DRC8: variants seen among roughly 807,000 people sequenced by gnomAD.
DRC8 encodes the protein dynein regulatory complex subunit 8, also known as dynein regulatory complex protein 8.
the DRC8 span, among the ~76,000 whole-genome samples, chr1:245,049,638 C>G: frequency 7.2e-5 from 11 of 152,230 alleles, 1 homozygote; most frequent in South Asian, 2.3e-3. The surrounding 1 kb of genome is among the most constrained non-coding windows in gnomAD (Gnocchi z 4.5). Flanking sequence ...CAAAAATACC[C>G]GATGGCCAAA....
chr1:245,113,185 G>A, the DRC8 span, among the ~76,000 whole-genome samples: 1 of 152,094 alleles, frequency 6.6e-6, no homozygotes, highest in Non-Finnish European at 1.5e-5. Context: ...TTCCTATAAA[G>A]TTTCCCCCCT....
chr1:245,113,612 T>C, the DRC8 span, among the ~76,000 whole-genome samples: 3 of 152,174 alleles, frequency 2.0e-5, no homozygotes, highest in Non-Finnish European at 4.4e-5. Context: ...ATGCCACTTA[T>C]GATCATACAA....
the DRC8 span, among the ~76,000 whole-genome samples, chr1:245,073,336 A>C: frequency 6.6e-5 from 10 of 152,038 alleles, no homozygotes; most frequent in Non-Finnish European, 1.0e-4. Flanking sequence ...TGGTTTCACC[A>C]TGTTGGCCAG....
At chr1:245,085,831 T>C in the DRC8 span, among the ~76,000 whole-genome samples, 3 of 152,178 alleles carry the variant, frequency 2.0e-5, no homozygotes, top group Non-Finnish European at 2.9e-5. Context: ...GCAGTGGGAA[T>C]GGCAATGGGA....
the DRC8 span, chr1:244,971,062 T>C: frequency 6.4e-6 from 1 of 155,362 alleles, no homozygotes; most frequent in Admixed American, 6.5e-5. Flanking sequence ...CTGATGGCGT[T>C]CGCGGCCACC....
At chr1:244,973,839 A>C in the DRC8 span, among the ~76,000 whole-genome samples, 1 of 152,200 alleles carries the variant, frequency 6.6e-6, no homozygotes, top group Non-Finnish European at 1.5e-5. Flanking sequence ...AGTATTGAGA[A>C]TATTGATAAG....
chr1:245,093,669 C>T, the DRC8 span, among the ~76,000 whole-genome samples: 1 of 147,842 alleles, frequency 6.8e-6, no homozygotes, highest in Non-Finnish European at 1.5e-5. Context: ...GCACTCCAGC[C>T]TGGGCGACAG....
the DRC8 span, among the ~76,000 whole-genome samples, chr1:245,034,310 G>A: frequency 6.6e-6 from 1 of 152,060 alleles, no homozygotes; most frequent in Non-Finnish European, 1.5e-5. Context: ...TTTGAAAACA[G>A]AAATGACAGG....
At chr1:245,014,472 T>A in the DRC8 span, among the ~76,000 whole-genome samples, 5 of 152,338 alleles carry the variant, frequency 3.3e-5, no homozygotes, top group East Asian at 9.6e-4. Context: ...AGCAAAAGTT[T>A]ATTGCTGTGT....
At chr1:245,071,145 G>A in the DRC8 span, among the ~76,000 whole-genome samples, 2 of 152,214 alleles carry the variant, frequency 1.3e-5, no homozygotes, top group Admixed American at 6.5e-5. Context: ...GACTAAGACC[G>A]AAATTGATCT....
the DRC8 span, among the ~76,000 whole-genome samples, chr1:245,078,370 A>G: frequency 6.6e-6 from 1 of 152,248 alleles, no homozygotes; most frequent in Non-Finnish European, 1.5e-5. Context: ...TCTAAGAGCT[A>G]TCTGTATTGC....
At chr1:245,032,946 G>A in the DRC8 span, among the ~76,000 whole-genome samples, 1 of 151,916 alleles carries the variant, frequency 6.6e-6, no homozygotes, top group Non-Finnish European at 1.5e-5. Flanking sequence ...GCTTGAGCTT[G>A]GGAGTTCGAG....
the DRC8 span, among the ~76,000 whole-genome samples, chr1:245,108,910 A>C: frequency 6.6e-6 from 1 of 152,160 alleles, no homozygotes; most frequent in Non-Finnish European, 1.5e-5. Context: ...TTCTAAATAG[A>C]TATGGCCATG....
chr1:245,066,501 T>A, the DRC8 span, among the ~76,000 whole-genome samples: 1 of 152,202 alleles, frequency 6.6e-6, no homozygotes, highest in African/African-American at 2.4e-5. Context: ...AATGCATAAC[T>A]TCCAAACTGA....
At chr1:245,096,083 T>C in the DRC8 span, among the ~76,000 whole-genome samples, 1 of 152,208 alleles carries the variant, frequency 6.6e-6, no homozygotes, top group African/African-American at 2.4e-5. Flanking sequence ...AGCACCAAAT[T>C]GGAGCCTCAC....
chr1:245,014,917 A>G, the DRC8 span, among the ~76,000 whole-genome samples: 1 of 152,366 alleles, frequency 6.6e-6, no homozygotes, highest in East Asian at 1.9e-4. Context: ...ATAAAAGAAT[A>G]TGTATGAAGA....
chr1:245,101,739 ATATT>A, the DRC8 span, among the ~76,000 whole-genome samples: 1 of 152,202 alleles, frequency 6.6e-6, no homozygotes, highest in African/African-American at 2.4e-5. Flanking sequence ...ATAATTTAAT[ATATT>A]TATATCAAGT....
At chr1:245,112,557 ATACTTT>A in the DRC8 span, among the ~76,000 whole-genome samples, 1 of 152,196 alleles carries the variant, frequency 6.6e-6, no homozygotes, top group Non-Finnish European at 1.5e-5. Context: ...AAACTTCTTT[ATACTTT>A]TACTTAACTG....
At chr1:245,076,005 C>T in the DRC8 span, among the ~76,000 whole-genome samples, 4 of 151,992 alleles carry the variant, frequency 2.6e-5, no homozygotes, top group African/African-American at 9.7e-5. Context: ...AGGCAACAAG[C>T]GGGGAGGGAG....
Sources: gnomAD v4.1 joint callset for allele counts (sites outside exome capture counted in the v4.1 genomes callset) on GRCh38, gnomAD v4.1.1 for gene constraint, Gnocchi (gnomAD v3.1) non-coding constraint, MANE v1.5 for transcripts, NCBI Gene and HGNC (gene_info 2026-07-23, HGNC 2026-07-21) for gene names.